The following NUP58 variants were observed in gnomAD, a reference collection of about 807,000 sequenced individuals.
The protein encoded by NUP58 is nucleoporin 58.
Under a neutral mutation model 70.1 loss-of-function variants are expected in NUP58, and 17 were observed. The ratio of observed to expected loss-of-function variants is 0.24; its 90% confidence interval spans 0.17 to 0.36. NUP58 has a LOEUF of 0.36. Ranked by LOEUF, NUP58 falls within the 10% of genes least tolerant of loss-of-function variation. The pLI is 1.00. For missense variants in NUP58, 644 were observed against 701.5 expected (o/e 0.92, Z 0.93); for synonymous variants, 275 against 257.6 (o/e 1.07, Z -0.65).
At chr13:25,308,135 A>G (rs1187208998) in intron 2 of NUP58, 187 bp downstream of exon 2, 14 of 509,948 alleles carry the variant, frequency 2.7e-5, no homozygotes, top group Non-Finnish European at 4.7e-5. Flanking sequence ...ATTGACTGTC[A>G]TCTACTCTGA....
At chr13:25,316,247 T>C (rs920387309) in intron 6 of NUP58, among the ~76,000 whole-genome samples, 4 of 152,206 alleles carry the variant, frequency 2.6e-5, no homozygotes, top group African/African-American at 9.6e-5. Context: ...TTTTAAAAAT[T>C]TGCTAATCCA....
intron 6 of NUP58, among the ~76,000 whole-genome samples, chr13:25,316,954 A>G (rs2030958546): frequency 1.3e-5 from 2 of 152,242 alleles, no homozygotes; most frequent in Non-Finnish European, 2.9e-5. Context: ...TATATAAATA[A>G]CTTGGGTGTG....
chr13:25,331,845 A>G, intron 13 of NUP58: 1 of 1,204,084 alleles, frequency 8.3e-7, no homozygotes, highest in Non-Finnish European at 1.0e-6. Flanking sequence ...TCACTAGTGA[A>G]TTACATTTAA....
intron 2 of NUP58, 76 bp downstream of exon 2, chr13:25,308,024 T>C: frequency 6.5e-7 from 1 of 1,529,464 alleles, no homozygotes. Flanking sequence ...GTATCTCTCT[T>C]TACAAGGATC....
intron 3 of NUP58, among the ~76,000 whole-genome samples, chr13:25,311,500 C>G (rs1045188804): frequency 2.6e-5 from 4 of 151,924 alleles, no homozygotes; most frequent in Non-Finnish European, 5.9e-5. Flanking sequence ...CTCAGCCTCC[C>G]GAGTAGCTGG....
intron 13 of NUP58, chr13:25,335,317 T>C: frequency 1.0e-6 from 1 of 985,362 alleles, no homozygotes; most frequent in Non-Finnish European, 1.2e-6. Context: ...AGCATGCTAT[T>C]TGAGTAACTC....
chr13:25,315,665 T>C (rs2030894685), intron 6 of NUP58, among the ~76,000 whole-genome samples, 198 bp downstream of exon 6: 4 of 120,264 alleles, frequency 3.3e-5, no homozygotes, highest in African/African-American at 1.0e-4. Flanking sequence ...TCTGTTCTTA[T>C]CTAACATCAG....
intron 3 of NUP58, chr13:25,310,134 T>C (rs1415306781): frequency 1.5e-5 from 3 of 202,878 alleles, no homozygotes; most frequent in South Asian, 5.9e-5. Context: ...CCTCAAACTC[T>C]TGGGCTCAAG....
rs552409078 is a variant in NUP58 at position 25,320,888 on chromosome 13, T to C, written c.777-31T>C. ...TGTGTAGGAAACCAAAGATACATTTTTTAAAACTCAGTTTTAAATATATTT... is the reference window on the plus strand; with the variant it reads ...TGTGTAGGAAACCAAAGATACATTTCTTAAAACTCAGTTTTAAATATATTT... On this transcript the variant is annotated intron_variant, in intron 8 of 15. Transcript: ENST00000381736. The C allele has an allele frequency of 5.7e-6, 8 of 1,401,330 alleles. No individual in the cohort carries two copies. In the South Asian group the frequency reaches 1.1e-4, roughly 19 times the overall value. The allele number at this position is 1,401,330 out of a possible 1,614,324, so 86.8% of individuals were successfully genotyped here. A position where few individuals can be genotyped will look rare whatever the true frequency, so the allele number is the denominator to read the frequency against.
At chr13:25,332,937 C>T (rs2031662205) in intron 13 of NUP58, 1 of 985,344 alleles carries the variant, frequency 1.0e-6, no homozygotes, top group Non-Finnish European at 1.2e-6. Context: ...TACTAGTTTA[C>T]TTTTTAGAGC....
intron 3 of NUP58, among the ~76,000 whole-genome samples, chr13:25,310,693 G>A (rs1372836748): frequency 2.6e-5 from 4 of 152,010 alleles, no homozygotes; most frequent in African/African-American, 4.8e-5. Flanking sequence ...AACCCCATAC[G>A]TGATTTCAAA....
intron 3 of NUP58, among the ~76,000 whole-genome samples, chr13:25,312,526 T>C (rs2137740226): frequency 6.6e-6 from 1 of 152,208 alleles, no homozygotes; most frequent in East Asian, 1.9e-4. Flanking sequence ...CACCACCACA[T>C]TGAGCTAATT....
At chr13:25,333,145 A>C (rs1315590217) in intron 13 of NUP58, 1 of 984,746 alleles carries the variant, frequency 1.0e-6, no homozygotes, top group Non-Finnish European at 1.2e-6. Flanking sequence ...TGTGTGTTTA[A>C]CTTTCTTATC....
intron 13 of NUP58, chr13:25,334,734 C>A (rs2031723758): frequency 1.0e-6 from 1 of 980,452 alleles, no homozygotes; most frequent in East Asian, 1.1e-4. Context: ...TCTGTTAATG[C>A]AGTTTTACTT....
intron 6 of NUP58, among the ~76,000 whole-genome samples, chr13:25,316,825 T>C (rs1488786218): frequency 1.3e-5 from 2 of 152,208 alleles, no homozygotes; most frequent in Non-Finnish European, 2.9e-5. Context: ...TCCCCACATC[T>C]TCCTGCTTTC....
chr13:25,340,290 T>C lies in NUP58; in HGVS notation c.*156T>C, dbSNP rs943020969. 6 of 627,464 alleles carry C rather than the reference T, an allele frequency of 9.6e-6. No individual in the cohort carries two copies. Among genetic ancestry groups the C allele is most frequent in the Non-Finnish European group, 1.2e-5 (5 of 405,240 alleles). The allele number at this position is 627,464 out of a possible 1,614,324, so 38.9% of individuals were successfully genotyped here. ...ATTTGAACTTTCTTCATGTTTGCCA[T>C]ACTGAACATCTTTTTTCTTGTGGAA... On this transcript the variant is annotated 3_prime_UTR_variant, in exon 16 of 16. Coordinates refer to ENST00000381736, the MANE Select transcript of NUP58 (RefSeq NM_014089.4).
At chr13:25,316,813 C>G (rs1159428056) in intron 6 of NUP58, among the ~76,000 whole-genome samples, 1 of 152,012 alleles carries the variant, frequency 6.6e-6, no homozygotes, top group South Asian at 2.1e-4. Context: ...CTCCTCTGCC[C>G]CTCCCCACAT....
intron 13 of NUP58, chr13:25,336,462 G>A (rs927167388): frequency 2.5e-6 from 1 of 398,068 alleles, no homozygotes; most frequent in Non-Finnish European, 4.4e-6. Context: ...TGCCATGTTA[G>A]TGTCAGTCTC....
rs775839160 is a variant in NUP58 at position 25,327,009 on chromosome 13, A to G, written c.1125A>G (p.Ala375=). The change falls in exon 11 of 16, where the codon GCA becomes GCG. Residue 375 remains alanine, a synonymous_variant. Coordinates refer to ENST00000381736, the MANE Select transcript of NUP58 (RefSeq NM_014089.4). The stretch of plus-strand genomic sequence containing the variant: ...TAGAAAACCATCTTGCCACTCAAGC[A>G]AATAATTCACATATAACCCCTCAAG... ...EELENHLATQ[A]NNSHITPQDL... is the part of the protein sequence containing the mutation. 80 of 1,601,854 alleles carry G rather than the reference A, an allele frequency of 5.0e-5. No homozygotes were observed. The highest frequency in any genetic ancestry group is 6.5e-5 in the Non-Finnish European group (76 of 1,172,336).
Sources: gnomAD v4.1 joint callset for allele counts (sites outside exome capture counted in the v4.1 genomes callset) on GRCh38, gnomAD v4.1.1 for gene constraint, MANE v1.5 for transcripts, NCBI Gene and HGNC (gene_info 2026-07-23, HGNC 2026-07-21) for gene names.